The following NCOR2 variants were observed in gnomAD, a reference collection of about 807,000 sequenced individuals.
NCOR2 encodes CTG repeat protein 26.
Under a neutral mutation model 262.9 loss-of-function variants are expected in NCOR2, and 81 were observed. That is an observed-to-expected ratio of 0.31 (90% CI 0.26 to 0.37). The LOEUF (loss-of-function observed/expected upper bound fraction) is 0.37, where lower values mean the gene tolerates loss of function less well. Among genes scored for constraint, NCOR2 ranks in the 10% least tolerant of loss-of-function variants. The pLI is 1.00. For missense variants in NCOR2, 3,385 were observed against 3,621.4 expected (o/e 0.93, Z 1.68); for synonymous variants, 1,659 against 1,559.3 (o/e 1.06, Z -1.51).
intron 1 of NCOR2, among the ~76,000 whole-genome samples, chr12:124,521,377 A>C (rs1593959305): frequency 1.3e-5 from 2 of 152,224 alleles, no homozygotes; most frequent in Non-Finnish European, 2.9e-5. Flanking sequence ...TCATCTGAAA[A>C]GCCACTTAGA....
At chr12:124,419,408 G>A (rs1166347028) in intron 13 of NCOR2, among the ~76,000 whole-genome samples, 3 of 152,168 alleles carry the variant, frequency 2.0e-5, no homozygotes, top group South Asian at 2.1e-4. Context: ...ATGGTGGGCC[G>A]GATTAGCCCC....
rs572131494 is a variant in NCOR2 at position 124,398,103 on chromosome 12, G to A, written c.1876+16C>T. 4.5e-5 allele frequency: 72 copies of A among 1,614,092 alleles called. No individual in the cohort carries two copies. The highest frequency in any genetic ancestry group is 1.6e-4 in the Middle Eastern group (1 of 6,062). On this transcript the variant is annotated intron_variant, in intron 16 of 46. Coordinates refer to ENST00000405201, the Ensembl canonical transcript of NCOR2. ...ATGCAAACCAACAAGGCTTAAAGCC[G>A]CCACACACCCCTCACCTTTCTTGGC...
At chr12:124,538,726 A>AT (rs2051195068), upstream of NCOR2, 1 of 153,352 alleles carries the variant, frequency 6.5e-6, no homozygotes, top group Non-Finnish European at 1.4e-5. Context: ...GAGGTGGGAG[A>AT]GGGGCTGGCA....
chr12:124,335,038 G>A (rs528655920), intron 40 of NCOR2, 97 bp downstream of exon 42: 23 of 1,581,016 alleles, frequency 1.5e-5, no homozygotes, highest in South Asian at 4.4e-5. Context: ...CAGCCACCCC[G>A]CCAGGACAGA....
At chr12:124,350,867 C>T in intron 27 of NCOR2, 130 bp from the exon 30 acceptor site, 1 of 947,574 alleles carries the variant, frequency 1.1e-6, no homozygotes, top group Non-Finnish European at 1.5e-6. Context: ...CACACACTGT[C>T]TCAAATAGGT....
chr12:124,396,226 T>A (rs945797211), intron 16 of NCOR2, among the ~76,000 whole-genome samples: 31 of 152,110 alleles, frequency 2.0e-4, no homozygotes, highest in Non-Finnish European at 4.4e-5. Context: ...GATTTCCATC[T>A]GGGGTGAGAA....
Position 124,389,222 on chromosome 12 carries a change from G to A in NCOR2, c.1877-3335C>T, listed in dbSNP as rs987132807. Among the ~76,000 whole-genome samples the A allele has an allele frequency of 1.3e-5, 2 of 152,246 alleles. No homozygotes were observed. The highest frequency in any genetic ancestry group is 2.9e-5 in the Non-Finnish European group (2 of 68,040). On this transcript the variant is annotated intron_variant, in intron 16 of 46. Transcript: ENST00000405201. This position sits in a 1 kb window ranked among gnomAD's most constrained non-coding sequence, Gnocchi z 4.4. ...CAGAGCCCACAGACCCCCGGGCCGG[G>A]CAAAATCCAAGGACCCAGGCCCAGC... is the stretch of plus-strand genomic sequence containing the variant.
intron 27 of NCOR2, among the ~76,000 whole-genome samples, chr12:124,353,290 G>C (rs1293214550): frequency 1.3e-5 from 2 of 152,250 alleles, no homozygotes; most frequent in African/African-American, 4.8e-5. Flanking sequence ...AGGTGGTGGA[G>C]CTGGCACCCG....
At position 124,503,669 on chromosome 12, in the gene NCOR2, T is replaced by C. The variant is rs867427564; in HGVS notation, c.-117-8301A>G. On this transcript the variant is annotated intron_variant, in intron 1 of 46. Transcript: ENST00000404621. This position sits in a 1 kb window ranked among gnomAD's most constrained non-coding sequence, Gnocchi z 4.3. ...ATGGATGGATGGATGGATGGACGGG[T>C]GAATGGATGGATGGATGGATGGATG... Among the ~76,000 whole-genome samples the C allele has an allele frequency of 5.2e-5, 6 of 115,176 alleles. No homozygotes were observed. Among genetic ancestry groups the C allele is most frequent in the African/African-American group, 2.6e-4 (6 of 23,386 alleles). 75.6% of individuals were successfully genotyped at this position (115,176 alleles called of 152,430 possible).
At chr12:124,550,234 T>C (rs949243896) in intron 1 of NCOR2, among the ~76,000 whole-genome samples, 4 of 152,134 alleles carry the variant, frequency 2.6e-5, no homozygotes, top group Non-Finnish European at 4.4e-5. Context: ...AGAGTGTCAG[T>C]TGGGCACCCA....
exon 47 of NCOR2, chr12:124,324,806 T>G (rs1345870848): frequency 6.6e-6 from 1 of 152,512 alleles, no homozygotes; most frequent in African/African-American, 2.4e-5. Flanking sequence ...AACAGTCCAG[T>G]CCTCGGAGCA....
At position 124,503,606 on chromosome 12, in the gene NCOR2, G is replaced by A. The variant is rs1195745310; in HGVS notation, c.-117-8238C>T. On this transcript the variant is annotated intron_variant, in intron 1 of 46. Transcript: ENST00000404621. This position sits in a 1 kb window ranked among gnomAD's most constrained non-coding sequence, Gnocchi z 4.3. ...CGGATGGACGGATGGATGGATGGAC[G>A]GACGGACGGATGGATGGATGGATGG... Among the ~76,000 whole-genome samples the A allele has an allele frequency of 6.8e-6, 1 of 146,686 alleles. No individual in the cohort carries two copies. The highest frequency in any genetic ancestry group is 2.2e-4 in the South Asian group (1 of 4,598).
At chr12:124,497,157 C>G (rs1263259327), upstream of NCOR2, among the ~76,000 whole-genome samples, 1 of 152,232 alleles carries the variant, frequency 6.6e-6, no homozygotes, top group South Asian at 2.1e-4. The surrounding 1 kb of genome is among the most constrained non-coding windows in gnomAD (Gnocchi z 4.2). Context: ...CGGGCTCACA[C>G]AGGGAAAGAA....
intron 6 of NCOR2, among the ~76,000 whole-genome samples, chr12:124,452,207 G>A (rs1458699004): frequency 6.6e-6 from 1 of 152,236 alleles, no homozygotes. Context: ...TGGAGGGAAG[G>A]GGTGCAGTGC....
intron 16 of NCOR2, among the ~76,000 whole-genome samples, chr12:124,391,173 C>T (rs968333275): frequency 2.0e-5 from 3 of 152,240 alleles, no homozygotes; most frequent in Non-Finnish European, 2.9e-5. Context: ...GCATCCACAG[C>T]TAGGACTCCG....
chr12:124,554,623 G>A (rs182367959), intron 1 of NCOR2, among the ~76,000 whole-genome samples: 2 of 152,350 alleles, frequency 1.3e-5, no homozygotes, highest in African/African-American at 2.4e-5. Context: ...GTGACACAGA[G>A]AGGGCAGCGA....
At chr12:124,325,378 C>CCCCA (rs1555297223) in exon 47 of NCOR2, 1 of 232,294 alleles carries the variant, frequency 4.3e-6, no homozygotes, top group Non-Finnish European at 6.5e-6. Context: ...CCTGACACCG[C>CCCCA]CCCCCCCCCC....
chr12:124,474,057 G>A (rs776619722), intron 3 of NCOR2, among the ~76,000 whole-genome samples: 6 of 152,108 alleles, frequency 3.9e-5, no homozygotes, highest in South Asian at 2.1e-4. Context: ...CCCTGTTCGC[G>A]TAACACACCT....
At chr12:124,435,589 A>G (rs2044288775) in intron 8 of NCOR2, among the ~76,000 whole-genome samples, 2 of 152,156 alleles carry the variant, frequency 1.3e-5, no homozygotes, top group Admixed American at 1.3e-4. Flanking sequence ...CTCCTCCCAT[A>G]TAGCACAGCC....
Sources: allele counts gnomAD v4.1 joint callset (sites outside exome capture counted in the v4.1 genomes callset), GRCh38; gene constraint gnomAD v4.1.1; non-coding constraint Gnocchi (gnomAD v3.1); transcripts MANE v1.5; gene names NCBI Gene and HGNC (gene_info 2026-07-23, HGNC 2026-07-21).